The following TSHZ3 variants were observed in gnomAD, a reference collection of about 807,000 sequenced individuals.
TSHZ3 encodes teashirt homolog 3.
A neutral mutation model predicts 64.5 loss-of-function variants in TSHZ3; 10 were observed. The ratio of observed to expected loss-of-function variants is 0.16; its 90% CI spans 0.10 to 0.26. TSHZ3 has a LOEUF of 0.26. Among genes scored for constraint, TSHZ3 ranks in the 10% least tolerant of loss-of-function variants. TSHZ3 has a pLI of 1.00. For missense variants in TSHZ3, 1,242 were observed against 1,421.7 expected (o/e 0.87, Z 2.03); for synonymous variants, 608 against 593.1 (o/e 1.03, Z -0.36).
chr19:31,255,131 G>T (rs1975892612), intron 1 of TSHZ3, among the ~76,000 whole-genome samples: 1 of 152,206 alleles, frequency 6.6e-6, no homozygotes, highest in African/African-American at 2.4e-5. Context: ...GAAGGAAAAC[G>T]AAGGAGATGA....
Position 31,190,027 on chromosome 19 carries a change from T to TG in TSHZ3, n.809+14928_809+14929insC, listed in dbSNP as rs1482508534. Among the ~76,000 whole-genome samples, 7 of 146,282 alleles carry TG rather than the reference T, an allele frequency of 4.8e-5. No homozygotes were observed. The East Asian group carries it at 1.4e-3, about 29-fold the overall frequency. On this transcript the variant is annotated intron_variant and non_coding_transcript_variant, in intron 5 of 6. Transcript: ENST00000651361. ...AATATTAATAGAGCCATGCTAGATT[T>TG]CTTATGCTTACAGTAAGCATAGTAT...
In TSHZ3 at chr19:31,240,102, G is replaced by A. The variant is rs528048781; in HGVS notation, n.550+2167C>T. ...TCTTGTTTTTCATTCAATTTGTTAA[G>A]TTTTTAGTCATTGTTTTTCTAAATG... On this transcript the variant is annotated intron_variant and non_coding_transcript_variant, in intron 3 of 6. Coordinates refer to the TSHZ3 transcript ENST00000651361. Among the ~76,000 whole-genome samples, 96 of 151,970 alleles carry A rather than the reference G, an allele frequency of 6.3e-4. No individual in the cohort carries two copies. In the South Asian group the frequency reaches 0.012, roughly 19 times the overall value.
chr19:31,183,516 A>AT (rs1974756836), intron 5 of TSHZ3, among the ~76,000 whole-genome samples: 1 of 152,214 alleles, frequency 6.6e-6, no homozygotes, highest in Admixed American at 6.5e-5. Context: ...AATTGCTCGA[A>AT]TTGCCACTGA....
intron 1 of TSHZ3, among the ~76,000 whole-genome samples, chr19:31,288,859 T>G (rs2035532451): frequency 6.6e-6 from 1 of 152,150 alleles, no homozygotes; most frequent in African/African-American, 2.4e-5. Context: ...TGTTTCTGCA[T>G]TGGATTTTTC....
chr19:31,170,207 C>T (rs900392332), intron 5 of TSHZ3, among the ~76,000 whole-genome samples: 2 of 152,108 alleles, frequency 1.3e-5, no homozygotes, highest in Non-Finnish European at 2.9e-5. Context: ...ATCAGGGTGA[C>T]AGCATGATCA....
chr19:31,271,627 A>G (rs1168734333), downstream of TSHZ3, among the ~76,000 whole-genome samples: 2 of 152,190 alleles, frequency 1.3e-5, no homozygotes, highest in African/African-American at 4.8e-5. Flanking sequence ...GAGCCCTGGC[A>G]CTGAATGGAG....
intron 4 of TSHZ3, among the ~76,000 whole-genome samples, chr19:31,217,403 T>C (rs769028539): frequency 2.0e-5 from 3 of 152,090 alleles, no homozygotes; most frequent in Non-Finnish European, 2.9e-5. Context: ...GGACAAACAT[T>C]TATTTAAAGT....
rs149170410 is a variant in TSHZ3 at position 31,186,565 on chromosome 19, T to G, written n.809+18391A>C. The stretch of plus-strand genomic sequence containing the variant: ...AACTGTGAGTCAATTAAACCTCTTT[T>G]CTTGATAAATTACCTAGTCTTGAAT... On this transcript the variant is annotated intron_variant and non_coding_transcript_variant, in intron 5 of 6. Coordinates refer to the TSHZ3 transcript ENST00000651361. Among the ~76,000 whole-genome samples, 638 of 152,322 alleles carry G rather than the reference T, an allele frequency of 4.2e-3. 5 individuals are homozygous for G. Among genetic ancestry groups the G allele is most frequent in the Middle Eastern group, 0.031 (9 of 294 alleles).
chr19:31,175,104 T>G (rs1974589327), intron 5 of TSHZ3, among the ~76,000 whole-genome samples: 1 of 152,112 alleles, frequency 6.6e-6, no homozygotes, highest in African/African-American at 2.4e-5. Flanking sequence ...GCCATTTGTC[T>G]GTAGGATAAA....
In TSHZ3 at chr19:31,199,100, A is replaced by G. The variant is rs907671553; in HGVS notation, n.809+5856T>C. On this transcript the variant is annotated intron_variant and non_coding_transcript_variant, in intron 5 of 6. Coordinates refer to the TSHZ3 transcript ENST00000651361. ...GTGGAACAGAATAAAAACCCCAGAA[A>G]TAGACCTATAAGAATATAGTCAGGG... Among the ~76,000 whole-genome samples the G allele has an allele frequency of 3.3e-5, 5 of 152,124 alleles. No homozygotes were observed. In the East Asian group the frequency reaches 5.8e-4, roughly 18 times the overall value.
intron 3 of TSHZ3, among the ~76,000 whole-genome samples, chr19:31,235,411 T>A (rs986280348): frequency 2.0e-5 from 3 of 151,992 alleles, no homozygotes; most frequent in Non-Finnish European, 4.4e-5. Flanking sequence ...TTCAACTGTT[T>A]TAGGTTCCAC....
chr19:31,310,224 G>A (rs1078373), intron 1 of TSHZ3, among the ~76,000 whole-genome samples: 46,194 of 151,954 alleles, frequency 0.3, 7,795 homozygotes, highest in East Asian at 0.45. Flanking sequence ...CCCAGGTAAT[G>A]AGCCTCTTTC....
At chr19:31,270,970 T>C (rs1032301732), downstream of TSHZ3, among the ~76,000 whole-genome samples, 1 of 152,198 alleles carries the variant, frequency 6.6e-6, no homozygotes, top group African/African-American at 2.4e-5. Context: ...AATTTAATTC[T>C]TTTAAAACCT....
chr19:31,330,237 T>C (rs1431751952), intron 1 of TSHZ3, among the ~76,000 whole-genome samples: 1 of 152,146 alleles, frequency 6.6e-6, no homozygotes, highest in African/African-American at 2.4e-5. Context: ...TAAAACTCGC[T>C]AAACTCTCAA....
intron 1 of TSHZ3, among the ~76,000 whole-genome samples, chr19:31,293,030 A>ATCCATCCATCCATCCATCC (rs1976599621): frequency 8.3e-6 from 1 of 121,038 alleles, no homozygotes; most frequent in Non-Finnish European, 1.8e-5. Flanking sequence ...TCCATCCAAA[A>ATCCATCCATCCATCCATCC]ATCCATCCAT....
intron 3 of TSHZ3, among the ~76,000 whole-genome samples, chr19:31,233,942 A>G (rs1975574124): frequency 1.3e-5 from 2 of 152,034 alleles, no homozygotes; most frequent in South Asian, 4.1e-4. Flanking sequence ...TACCAAAAAA[A>G]AAAAAAAAAG....
downstream of TSHZ3, among the ~76,000 whole-genome samples, chr19:31,270,831 G>A (rs1465045817): frequency 6.6e-6 from 1 of 152,218 alleles, no homozygotes; most frequent in African/African-American, 2.4e-5. Context: ...AATTGTGGAT[G>A]TTAATCTCTG....
At chr19:31,331,263 C>G (rs928846447) in intron 1 of TSHZ3, among the ~76,000 whole-genome samples, 4 of 152,134 alleles carry the variant, frequency 2.6e-5, no homozygotes, top group Non-Finnish European at 4.4e-5. Context: ...TCTGTAAAAC[C>G]GCTCTCATAG....
At chr19:31,340,972 C>T (rs568527191) in intron 1 of TSHZ3, among the ~76,000 whole-genome samples, 2 of 152,344 alleles carry the variant, frequency 1.3e-5, no homozygotes, top group Admixed American at 6.5e-5. Context: ...TTTCTTCCTC[C>T]AAAGAGACTG....
Sources: gnomAD v4.1 joint callset for allele counts (sites outside exome capture counted in the v4.1 genomes callset) on GRCh38, gnomAD v4.1.1 for gene constraint, MANE v1.5 for transcripts, NCBI Gene and HGNC (gene_info 2026-07-23, HGNC 2026-07-21) for gene names.